Variants in CNOT1 observed in about 807,000 individuals in gnomAD.
CNOT1 encodes the protein CCR4-NOT transcription complex subunit 1.
Under a neutral mutation model 273.8 loss-of-function variants are expected in CNOT1, and 15 were observed. The ratio of observed to expected loss-of-function variants is 0.05; its 90% confidence interval spans 0.04 to 0.08. The LOEUF (loss-of-function observed/expected upper bound fraction) is 0.08, where lower values mean the gene tolerates loss of function less well. Ranked by LOEUF, CNOT1 falls within the 10% of genes least tolerant of loss-of-function variation. CNOT1 has a pLI of 1.00. For synonymous variants in CNOT1, 1,022 were observed against 1,005.5 expected (o/e 1.02, Z -0.31); for missense variants, 1,644 against 2,912.2 (o/e 0.56, Z 10.02).
intron 46 of CNOT1, among the ~76,000 whole-genome samples, chr16:58,524,434 G>A (rs1352103630): frequency 6.6e-6 from 1 of 151,846 alleles, no homozygotes; most frequent in East Asian, 1.9e-4. Flanking sequence ...ACAGTGACAC[G>A]TTTCTCTAAA....
At chr16:58,559,998 T>C in intron 17 of CNOT1, 1 of 1,319,854 alleles carries the variant, frequency 7.6e-7, no homozygotes, top group East Asian at 2.5e-5. Flanking sequence ...AAATAAATTG[T>C]CTGTATATTT....
At chr16:58,604,829 A>T (rs1435877856) in intron 1 of CNOT1, among the ~76,000 whole-genome samples, 3 of 17,686 alleles carry the variant, frequency 1.7e-4, no homozygotes, top group East Asian at 1.0e-3. Context: ...AAAAAAAATT[A>T]AAAAAAAAAA....
At chr16:58,557,476 G>C (rs1448431602) in intron 18 of CNOT1, among the ~76,000 whole-genome samples, 9 of 152,070 alleles carry the variant, frequency 5.9e-5, no homozygotes, top group Admixed American at 5.9e-4. Flanking sequence ...TTATTTAAAT[G>C]AATTAATCAA....
rs947446069 is a variant in CNOT1, at chr16:58,539,889, T to C, written c.4871A>G (p.His1624Arg). The change falls in exon 35 of 49, where the codon CAT becomes CGT. Residue 1624 changes from histidine to arginine, a missense_variant. His to Arg is a conservative substitution (Grantham distance 29, BLOSUM62 0). This residue lies in a region of CNOT1 where 170 missense variants were observed against 273.1 expected (regional missense o/e 0.62). Transcript: ENST00000317147. ...KCITELEQHL[H>R]AIPPTLAMNP... The stretch of plus-strand genomic sequence containing the variant: ...CATGGCCAAAGTTGGTGGGATGGCA[T>C]GTAGATGTTGCTCCAGTTCTGTAAT... 3.7e-6 allele frequency: 6 copies of C among 1,614,214 alleles called. No individual in the cohort carries two copies. The highest frequency in any genetic ancestry group is 4.5e-5 in the East Asian group (2 of 44,886).
At chr16:58,558,892 C>A (rs2040732850) in intron 17 of CNOT1, among the ~76,000 whole-genome samples, 1 of 152,142 alleles carries the variant, frequency 6.6e-6, no homozygotes, top group African/African-American at 2.4e-5. Context: ...TTGCCTTTGA[C>A]AAAGTACAGG....
chr16:58,558,722 G>C, intron 17 of CNOT1, 48 bp from the exon 18 acceptor site: 1 of 1,575,100 alleles, frequency 6.3e-7, no homozygotes, highest in Non-Finnish European at 8.6e-7. Context: ...TCGAGGAAAG[G>C]CAGACACATG....
At position 58,581,538 on chromosome 16, in the gene CNOT1, A is replaced by C. The variant is rs201500170; in HGVS notation, c.1045-23T>G. The stretch of plus-strand genomic sequence containing the variant: ...ATTCTAAAAAAGACCAAAGCAGTTT[A>C]AAATGTAATGAATGTGTGTATATTT... On this transcript the variant is annotated intron_variant, in intron 10 of 48. Coordinates refer to ENST00000317147, the MANE Select transcript of CNOT1 (RefSeq NM_016284.5). 4.0e-5 allele frequency: 64 copies of C among 1,591,938 alleles called. No individual in the cohort carries two copies. In the East Asian group the frequency reaches 5.9e-4, roughly 15 times the overall value.
At chr16:58,581,868 G>C (rs548066143) in intron 10 of CNOT1, among the ~76,000 whole-genome samples, 1 of 152,076 alleles carries the variant, frequency 6.6e-6, no homozygotes, top group Non-Finnish European at 1.5e-5. Flanking sequence ...TCGCCATGCT[G>C]GCCAGGATGG....
rs1053778002 is a variant in CNOT1 at position 58,579,080 on chromosome 16, C to A, written c.1344-141G>T. On this transcript the variant is annotated intron_variant, in intron 12 of 48. Transcript: ENST00000317147. Reference sequence around the variant, plus strand: ...TATTAGAAGTTTGAAGTCCACAGCACTCTCTTTAAGAATTATTTTTGCCCC... The same window carrying A: ...TATTAGAAGTTTGAAGTCCACAGCAATCTCTTTAAGAATTATTTTTGCCCC... The A allele has an allele frequency of 7.0e-6, 10 of 1,428,878 alleles. No individual in the cohort carries two copies. In the African/African-American group the frequency reaches 1.4e-4, roughly 20 times the overall value. The allele number at this position is 1,428,878 out of a possible 1,614,324, so 88.5% of individuals were successfully genotyped here.
At chr16:58,549,296 GA>G (rs59714224) in intron 25 of CNOT1, among the ~76,000 whole-genome samples, 50,873 of 119,396 alleles carry the variant, frequency 0.43, 11,357 homozygotes, top group African/African-American at 0.71. Context: ...CAAAAAAATT[GA>G]AAAAAAAAAA....
intron 8 of CNOT1, among the ~76,000 whole-genome samples, chr16:58,584,274 G>A (rs1324886129): frequency 3.9e-5 from 6 of 151,988 alleles, no homozygotes; most frequent in Non-Finnish European, 8.8e-5. Context: ...AACATCCAAA[G>A]TGAGTTTTAT....
intron 47 of CNOT1, among the ~76,000 whole-genome samples, chr16:58,522,015 G>A (rs1016772749): frequency 3.3e-5 from 5 of 151,226 alleles, no homozygotes; most frequent in African/African-American, 1.2e-4. Flanking sequence ...CAGAAAATAA[G>A]AATTAAGTAT....
At chr16:58,557,064 T>C (rs1241163006) in intron 18 of CNOT1, 71 bp from the exon 19 acceptor site, 6 of 1,543,216 alleles carry the variant, frequency 3.9e-6, no homozygotes, top group South Asian at 1.2e-5. Context: ...ATCTCAGATA[T>C]ATTAATAAGA....
chr16:58,621,637 G>A (rs540485828), intron 1 of CNOT1, among the ~76,000 whole-genome samples: 2 of 150,908 alleles, frequency 1.3e-5, no homozygotes, highest in Admixed American at 1.3e-4. Flanking sequence ...ACACCACCAT[G>A]GCCGGGCATG....
chr16:58,593,669 G>A (rs2042144938), intron 2 of CNOT1, among the ~76,000 whole-genome samples: 1 of 151,976 alleles, frequency 6.6e-6, no homozygotes, highest in African/African-American at 2.4e-5. Flanking sequence ...AGGAGTTTGA[G>A]GAGATGATGA....
intron 1 of CNOT1, among the ~76,000 whole-genome samples, chr16:58,619,922 T>C (rs1032453204): frequency 1.3e-5 from 2 of 150,826 alleles, no homozygotes; most frequent in Admixed American, 6.6e-5. Flanking sequence ...ACTCTGTAGA[T>C]TACTAGAGAT....
chr16:58,612,100 T>C (rs7190613), intron 1 of CNOT1, among the ~76,000 whole-genome samples: 114,261 of 151,920 alleles, frequency 0.75, 43,412 homozygotes, highest in Middle Eastern at 0.86. Flanking sequence ...TCCCAAGTAG[T>C]TGGACCTACA....
At chr16:58,583,597 G>A (rs1712406833) in intron 8 of CNOT1, among the ~76,000 whole-genome samples, 1 of 152,052 alleles carries the variant, frequency 6.6e-6, no homozygotes, top group Admixed American at 6.5e-5. Flanking sequence ...CACTTCCTGT[G>A]GAGTACAAGA....
At chr16:58,622,691 A>G (rs1348745199) in intron 1 of CNOT1, among the ~76,000 whole-genome samples, 1 of 150,694 alleles carries the variant, frequency 6.6e-6, no homozygotes, top group Non-Finnish European at 1.5e-5. Flanking sequence ...TACTAAAAAT[A>G]CAAAAATTAG....
Sources: allele counts gnomAD v4.1 joint callset (sites outside exome capture counted in the v4.1 genomes callset), GRCh38; gene constraint gnomAD v4.1.1; regional missense constraint gnomAD v4.1.1; transcripts MANE v1.5; gene names NCBI Gene and HGNC (gene_info 2026-07-23, HGNC 2026-07-21).